FRMPD1: variants seen among roughly 807,000 people sequenced by gnomAD.
The protein encoded by FRMPD1 is FERM and PDZ domain-containing protein 1.
Under a neutral mutation model 117.8 loss-of-function variants are expected in FRMPD1, and 76 were observed. The observed-to-expected ratio is 0.65, with a 90% confidence interval of 0.54 to 0.78. The LOEUF (loss-of-function observed/expected upper bound fraction) is 0.78, where lower values mean the gene tolerates loss of function less well. Ranked by LOEUF, FRMPD1 falls within the 30% of genes least tolerant of loss-of-function variation. The pLI, the probability that FRMPD1 is intolerant of heterozygous loss-of-function variation, is 0.00. For synonymous variants in FRMPD1, 783 were observed against 770.4 expected (o/e 1.02, Z -0.27); for missense variants, 1,786 against 1,964.5 (o/e 0.91, Z 1.72).
chr9:37,634,878 C>T, the FRMPD1 span, among the ~76,000 whole-genome samples: 2 of 152,016 alleles, frequency 1.3e-5, no homozygotes, highest in Non-Finnish European at 2.9e-5. Flanking sequence ...GTTCCCTCCC[C>T]TCACCCCCAA....
chr9:37,736,234 C>T (rs532944731), intron 13 of FRMPD1, among the ~76,000 whole-genome samples: 3 of 152,006 alleles, frequency 2.0e-5, no homozygotes, highest in Non-Finnish European at 4.4e-5. Flanking sequence ...ATCTCCTGAC[C>T]TCGTGATCCA....
At position 37,740,380 on chromosome 9, in the gene FRMPD1, G is replaced by A. The variant is rs754125023; in HGVS notation, c.1852G>A (p.Asp618Asn). 6 of 1,613,780 alleles carry A rather than the reference G, an allele frequency of 3.7e-6. No individual in the cohort carries two copies. The South Asian group carries it at 6.6e-5, about 18-fold the overall frequency. Residue 618 changes from aspartate to asparagine, a missense_variant, in exon 15 of 16, where the codon GAC becomes AAC. Transcript: ENST00000377765. This position sits in a 1 kb window ranked among gnomAD's most constrained non-coding sequence, Gnocchi z 4.2. ...SMDALEEDDL[D>N]TCSSSRSTFF... ...GGACGCTCTGGAAGAGGATGACTTA[G>A]ACACCTGCTCCTCCAGCAGGTCCAC...
chr9:37,659,926 A>C (rs1253979922), intron 1 of FRMPD1, among the ~76,000 whole-genome samples: 2 of 150,196 alleles, frequency 1.3e-5, no homozygotes, highest in Non-Finnish European at 3.0e-5. Context: ...AAAAAAAAAA[A>C]AAAAAAAACA....
the FRMPD1 span, among the ~76,000 whole-genome samples, chr9:37,618,727 C>T: frequency 6.6e-6 from 1 of 152,298 alleles, no homozygotes; most frequent in African/African-American, 2.4e-5. Context: ...CACACTGTCT[C>T]ATTCTTTCCC....
the FRMPD1 span, among the ~76,000 whole-genome samples, chr9:37,605,752 T>C: frequency 0.031 from 4,678 of 152,102 alleles, 199 homozygotes; most frequent in African/African-American, 0.099. Context: ...TCTCACTCTG[T>C]CACCCAGGCT....
the FRMPD1 span, among the ~76,000 whole-genome samples, chr9:37,605,044 T>C: frequency 1.3e-5 from 2 of 152,248 alleles, no homozygotes; most frequent in Non-Finnish European, 2.9e-5. Context: ...ATTGTGGAGC[T>C]GGAATACAAA....
At chr9:37,717,645 G>T (rs1254764983) in intron 5 of FRMPD1, among the ~76,000 whole-genome samples, 7 of 152,112 alleles carry the variant, frequency 4.6e-5, no homozygotes, top group Non-Finnish European at 4.4e-5. Context: ...CTCCCAAAGC[G>T]CTGGGATTAC....
the FRMPD1 span, among the ~76,000 whole-genome samples, chr9:37,643,221 C>A: frequency 0.031 from 4,727 of 152,216 alleles, 230 homozygotes; most frequent in African/African-American, 0.11. Flanking sequence ...CAAGTGCATA[C>A]ATTTTATCTG....
chr9:37,729,327 G>A (rs1823754585), intron 7 of FRMPD1, among the ~76,000 whole-genome samples: 1 of 141,526 alleles, frequency 7.1e-6, no homozygotes, highest in African/African-American at 2.6e-5. Context: ...GGGTTGTAGT[G>A]AGCCAAGATC....
chr9:37,623,923 C>T, the FRMPD1 span, among the ~76,000 whole-genome samples: 2 of 152,124 alleles, frequency 1.3e-5, no homozygotes, highest in East Asian at 1.9e-4. Flanking sequence ...AGGCTCACTA[C>T]GTTCCTCGGG....
chr9:37,743,520 CTTTTTTTTTT>C (rs531949141), intron 15 of FRMPD1, among the ~76,000 whole-genome samples: 2 of 40,932 alleles, frequency 4.9e-5, no homozygotes, highest in African/African-American at 1.5e-4. Context: ...AATGGCTCTG[CTTTTTTTTTT>C]TTTTTTTTTT....
intron 1 of FRMPD1, among the ~76,000 whole-genome samples, chr9:37,656,367 T>A (rs1337502647): frequency 6.6e-6 from 1 of 152,244 alleles, no homozygotes; most frequent in African/African-American, 2.4e-5. Flanking sequence ...AGTTTTGAAT[T>A]TAGCTTTTCA....
chr9:37,648,160 C>CA (rs1244604977), upstream of FRMPD1, among the ~76,000 whole-genome samples: 30 of 95,890 alleles, frequency 3.1e-4, no homozygotes, highest in Non-Finnish European at 5.6e-4. Context: ...GCTCCCTTTG[C>CA]AAAGGAAAAA....
intron 1 of FRMPD1, chr9:37,670,173 CATTT>C (rs889866040): frequency 7.9e-5 from 12 of 152,224 alleles, no homozygotes; most frequent in African/African-American, 2.6e-4. Flanking sequence ...GGTTTTCTAT[CATTT>C]ATTTGTTATT....
At chr9:37,605,670 A>G in the FRMPD1 span, among the ~76,000 whole-genome samples, 2 of 151,206 alleles carry the variant, frequency 1.3e-5, no homozygotes, top group African/African-American at 4.9e-5. Flanking sequence ...TCATATTGTC[A>G]TTCTGGTAGA....
chr9:37,741,300 C>T (rs1425186809), intron 15 of FRMPD1, among the ~76,000 whole-genome samples: 3 of 151,874 alleles, frequency 2.0e-5, no homozygotes, highest in African/African-American at 7.3e-5. Flanking sequence ...ACAGACAGGC[C>T]GTCTGTGGCC....
the FRMPD1 span, among the ~76,000 whole-genome samples, chr9:37,632,663 G>A: frequency 0.1 from 15,538 of 151,972 alleles, 979 homozygotes; most frequent in Middle Eastern, 0.15. Flanking sequence ...CAAAAGTCTC[G>A]GGGAAACACT....
At chr9:37,630,738 G>T in the FRMPD1 span, among the ~76,000 whole-genome samples, 1 of 152,112 alleles carries the variant, frequency 6.6e-6, no homozygotes, top group Admixed American at 6.5e-5. Context: ...CTGGAATTAG[G>T]TTCACCATGG....
chr9:37,630,447 T>C, the FRMPD1 span, among the ~76,000 whole-genome samples: 1 of 152,178 alleles, frequency 6.6e-6, no homozygotes, highest in Admixed American at 6.5e-5. Context: ...AGTGGCCTAA[T>C]CTCAGTTCAC....
Sources: allele counts gnomAD v4.1 joint callset (sites outside exome capture counted in the v4.1 genomes callset), GRCh38; gene constraint gnomAD v4.1.1; non-coding constraint Gnocchi (gnomAD v3.1); transcripts MANE v1.5; gene names NCBI Gene and HGNC (gene_info 2026-07-23, HGNC 2026-07-21).